Variants in PARD3B observed in about 807,000 individuals in gnomAD.
The protein encoded by PARD3B is par-3 family cell polarity regulator beta.
PARD3B carries 103 observed loss-of-function variants against 130.2 expected under a neutral mutation model. The observed-to-expected ratio is 0.79, with a 90% CI of 0.67 to 0.93. The LOEUF (loss-of-function observed/expected upper bound fraction) is 0.93, where lower values mean the gene tolerates loss of function less well. Ranked by LOEUF, PARD3B falls within the 40% of genes least tolerant of loss-of-function variation. PARD3B has a pLI of 0.00. For synonymous variants in PARD3B, 583 were observed against 553.2 expected, an observed-to-expected ratio of 1.05 and a Z score of -0.76; for missense variants, 1,609 against 1,499.2, an observed-to-expected ratio of 1.07 and a Z score of -1.21.
At chr2:205,381,055 A>ATAAAGAATATATAATATC (rs1410100178) in intron 18 of PARD3B, among the ~76,000 whole-genome samples, 1 of 77,226 alleles carries the variant, frequency 1.3e-5, no homozygotes, top group African/African-American at 1.0e-4. Flanking sequence ...TATATTATAT[A>ATAAAGAATATATAATATC]TAAAGAATAT....
chr2:204,596,224 A>G (rs1388036679), intron 1 of PARD3B, among the ~76,000 whole-genome samples: 1 of 152,204 alleles, frequency 6.6e-6, no homozygotes, highest in East Asian at 1.9e-4. Context: ...AAAAATTTCA[A>G]ACTCATACAA....
chr2:204,641,363 A>C (rs2035070194), intron 1 of PARD3B, among the ~76,000 whole-genome samples: 1 of 152,012 alleles, frequency 6.6e-6, no homozygotes, highest in Non-Finnish European at 1.5e-5. Flanking sequence ...AATGAATAGA[A>C]GTGTCTAGAT....
intron 2 of PARD3B, among the ~76,000 whole-genome samples, chr2:204,888,904 T>A (rs984357506): frequency 6.6e-6 from 1 of 152,006 alleles, no homozygotes; most frequent in Admixed American, 6.6e-5. Context: ...GGCTGGTAAA[T>A]TGTATATAAG....
chr2:204,760,066 C>G (rs1235718655), intron 2 of PARD3B, among the ~76,000 whole-genome samples: 1 of 152,000 alleles, frequency 6.6e-6, no homozygotes, highest in Non-Finnish European at 1.5e-5. Flanking sequence ...AAAACAGAAC[C>G]CATGCTGAGC....
In PARD3B at chr2:205,554,390, C is replaced by T. The variant is rs144603423; in HGVS notation, c.3260+987C>T. ...ATTACAATGGGCAAAGCCAAAGTGA[C>T]CATCTGCTTTTATAAATAGTATGTT... On this transcript the variant is annotated intron_variant, in intron 22 of 22. Transcript: ENST00000406610. Among the ~76,000 whole-genome samples the T allele has an allele frequency of 4.1e-4, 63 of 152,240 alleles. 1 individual carries two copies. Among genetic ancestry groups the T allele is most frequent in the Middle Eastern group, 3.4e-3 (1 of 294 alleles).
chr2:205,076,830 C>T (rs140806242), intron 4 of PARD3B, among the ~76,000 whole-genome samples: 1 of 152,262 alleles, frequency 6.6e-6, no homozygotes, highest in Non-Finnish European at 1.5e-5. Context: ...AGATTGGGGA[C>T]CACTGCTCTA....
chr2:205,194,569 TA>T (rs1190164811), intron 15 of PARD3B, among the ~76,000 whole-genome samples: 1 of 152,204 alleles, frequency 6.6e-6, no homozygotes, highest in African/African-American at 2.4e-5. Context: ...AATTTCTCTG[TA>T]AAGAAGATGA....
At chr2:204,644,546 G>A (rs2035206145) in intron 1 of PARD3B, among the ~76,000 whole-genome samples, 2 of 152,146 alleles carry the variant, frequency 1.3e-5, no homozygotes, top group Non-Finnish European at 2.9e-5. Context: ...AGCAAAATAT[G>A]TGGTCTCTTT....
intron 2 of PARD3B, among the ~76,000 whole-genome samples, chr2:204,744,014 C>G (rs2040115172): frequency 6.6e-6 from 1 of 152,124 alleles, no homozygotes; most frequent in Non-Finnish European, 1.5e-5. Context: ...CTGGACCTCA[C>G]AAAGGGAAAT....
intron 16 of PARD3B, among the ~76,000 whole-genome samples, chr2:205,267,397 A>G (rs2040550557): frequency 6.6e-6 from 1 of 152,236 alleles, no homozygotes; most frequent in East Asian, 1.9e-4. Flanking sequence ...ATTTATAAAC[A>G]GTAACCTCTG....
At chr2:204,993,605 G>T (rs1204572876) in intron 3 of PARD3B, among the ~76,000 whole-genome samples, 1 of 124,836 alleles carries the variant, frequency 8.0e-6, no homozygotes, top group Non-Finnish European at 1.7e-5. Flanking sequence ...AAATGAGTTA[G>T]GGAGGATTCC....
At chr2:204,762,416 G>C (rs935611830) in intron 2 of PARD3B, among the ~76,000 whole-genome samples, 1 of 152,168 alleles carries the variant, frequency 6.6e-6, no homozygotes, top group South Asian at 2.1e-4. Flanking sequence ...GAGCCACGGC[G>C]CCCAACCCGA....
chr2:205,499,911 T>C lies in PARD3B; in HGVS notation c.3060T>C (p.Gly1020=). 6 of 1,613,676 alleles carry C rather than the reference T, an allele frequency of 3.7e-6. No individual in the cohort carries two copies. Among genetic ancestry groups the C allele is most frequent in the Non-Finnish European group, 5.1e-6 (6 of 1,179,654 alleles). Residue 1020 remains glycine (G), a synonymous_variant, in exon 21 of 23, where the codon GGT becomes GGC. Coordinates refer to ENST00000406610, the MANE Select transcript of PARD3B (RefSeq NM_001302769.2). ...TATCCTGTAGTGGCCGTCCTACGGG[T>C]GGAAGCACTGACCGTATCCAGAAGT... The part of the protein sequence containing the change: ...LVPADSGRPT[G]GSTDRIQKLR...
chr2:204,877,153 G>T (rs141827425), intron 2 of PARD3B, among the ~76,000 whole-genome samples: 89 of 152,008 alleles, frequency 5.9e-4, no homozygotes, highest in Non-Finnish European at 1.2e-3. Context: ...ACAGAAAACC[G>T]AACACCGCAT....
intron 20 of PARD3B, among the ~76,000 whole-genome samples, chr2:205,448,386 T>G (rs1484893125): frequency 6.6e-6 from 1 of 152,224 alleles, no homozygotes; most frequent in Non-Finnish European, 1.5e-5. Context: ...TAGCTTATAT[T>G]GCACTTTTTA....
chr2:205,266,853 G>A (rs112102763), intron 16 of PARD3B, among the ~76,000 whole-genome samples: 28 of 152,252 alleles, frequency 1.8e-4, no homozygotes, highest in East Asian at 5.8e-4. Context: ...TCAGACTCAG[G>A]TTGAGGGAAT....
intron 1 of PARD3B, among the ~76,000 whole-genome samples, chr2:204,629,578 G>A (rs1157116679): frequency 2.6e-5 from 4 of 151,744 alleles, no homozygotes; most frequent in African/African-American, 7.3e-5. Context: ...TTGTTCTCAC[G>A]AATCACTGAT....
chr2:204,725,874 A>C (rs1266164913), intron 2 of PARD3B, among the ~76,000 whole-genome samples: 1 of 152,204 alleles, frequency 6.6e-6, no homozygotes, highest in Non-Finnish European at 1.5e-5. Context: ...CCAATGTCAC[A>C]TAGCTGCTGA....
In PARD3B at chr2:204,904,674, C is replaced by T. The variant is rs531754248; in HGVS notation, c.223-60478C>T. On this transcript the variant is annotated intron_variant, in intron 2 of 22. Coordinates refer to ENST00000406610, the MANE Select transcript of PARD3B (RefSeq NM_001302769.2). ...TATGGCAATGCCTTTAATTTCAATG[C>T]TTTTTTTTTTAGAAATTCTGAACTA... Among the ~76,000 whole-genome samples the T allele has an allele frequency of 8.1e-4, 119 of 147,574 alleles. 1 individual carries two copies. The highest frequency in any genetic ancestry group is 2.7e-3 in the African/African-American group (111 of 40,692).
Sources: gnomAD v4.1 joint callset for allele counts (sites outside exome capture counted in the v4.1 genomes callset) on GRCh38, gnomAD v4.1.1 for gene constraint, MANE v1.5 for transcripts, NCBI Gene and HGNC (gene_info 2026-07-23, HGNC 2026-07-21) for gene names.